The following CLSTN2 variants were observed in gnomAD, a reference collection of about 807,000 sequenced individuals.
CLSTN2 encodes calsyntenin 2.
In CLSTN2, 48 loss-of-function variants were observed where a neutral mutation model predicts 101.2. The observed-to-expected ratio is 0.47, with a 90% CI of 0.38 to 0.60. The LOEUF (loss-of-function observed/expected upper bound fraction) is 0.60. Ranked by LOEUF, CLSTN2 falls within the 20% of genes least tolerant of loss-of-function variation. The pLI is 0.00. For synonymous variants in CLSTN2, 481 were observed against 463.6 expected (o/e 1.04, Z -0.48); for missense variants, 1,160 against 1,238.2 (o/e 0.94, Z 0.95).
At chr3:139,969,611 CCT>C in intron 1 of CLSTN2, among the ~76,000 whole-genome samples, 1 of 152,322 alleles carries the variant, frequency 6.6e-6, no homozygotes, top group African/African-American at 2.4e-5. Context: ...CCACATTCTC[CCT>C]GTTAGTCTGC....
At chr3:140,092,952 G>A (rs1341574689) in intron 1 of CLSTN2, among the ~76,000 whole-genome samples, 1 of 152,210 alleles carries the variant, frequency 6.6e-6, no homozygotes, top group East Asian at 1.9e-4. Flanking sequence ...GTGAGTGGAT[G>A]GAGGGTGCTG....
At chr3:140,032,488 C>T (rs558737731) in intron 1 of CLSTN2, among the ~76,000 whole-genome samples, 1 of 152,250 alleles carries the variant, frequency 6.6e-6, no homozygotes, top group African/African-American at 2.4e-5. Flanking sequence ...AGGTGCCAGC[C>T]ACCACATCTG....
chr3:140,474,535 A>G (rs1933934770), intron 8 of CLSTN2, among the ~76,000 whole-genome samples: 1 of 152,120 alleles, frequency 6.6e-6, no homozygotes, highest in Non-Finnish European at 1.5e-5. Context: ...TGGAAAAGAA[A>G]CCTTTTGTCT....
intron 1 of CLSTN2, among the ~76,000 whole-genome samples, chr3:139,952,279 A>T (rs1935308206): frequency 6.6e-6 from 1 of 152,202 alleles, no homozygotes; most frequent in Non-Finnish European, 1.5e-5. Flanking sequence ...ATGCGTCACC[A>T]TATTTTCGAT....
At chr3:140,038,653 C>A (rs2007705939) in intron 1 of CLSTN2, among the ~76,000 whole-genome samples, 1 of 152,060 alleles carries the variant, frequency 6.6e-6, no homozygotes, top group African/African-American at 2.4e-5. Flanking sequence ...CCCACAATGT[C>A]ATTATCGCTC....
intron 8 of CLSTN2, among the ~76,000 whole-genome samples, chr3:140,519,446 C>T (rs919097784): frequency 6.4e-4 from 98 of 152,246 alleles, no homozygotes; most frequent in African/African-American, 2.3e-3. Flanking sequence ...TAAAATCTCT[C>T]GCTATTATTG....
At chr3:140,405,257 C>T (rs990728643) in intron 4 of CLSTN2, among the ~76,000 whole-genome samples, 10 of 150,146 alleles carry the variant, frequency 6.7e-5, no homozygotes, top group South Asian at 2.1e-4. Context: ...GATGGAGTTT[C>T]GCTCTTGTCG....
intron 1 of CLSTN2, among the ~76,000 whole-genome samples, chr3:140,108,027 T>C (rs941316339): frequency 1.3e-5 from 2 of 152,168 alleles, no homozygotes; most frequent in Non-Finnish European, 2.9e-5. Context: ...GAGTGGTTGA[T>C]AAGGGACACC....
chr3:140,132,544 G>A (rs2009539046), intron 1 of CLSTN2, among the ~76,000 whole-genome samples: 1 of 152,220 alleles, frequency 6.6e-6, no homozygotes, highest in South Asian at 2.1e-4. Flanking sequence ...TTCCAGAAAT[G>A]AGGAGTTGTT....
intron 1 of CLSTN2, among the ~76,000 whole-genome samples, chr3:140,124,723 T>C (rs1160247735): frequency 6.6e-6 from 1 of 152,174 alleles, no homozygotes; most frequent in African/African-American, 2.4e-5. Context: ...GATGTCAGTT[T>C]GGCAGTTAAA....
intron 8 of CLSTN2, among the ~76,000 whole-genome samples, chr3:140,485,625 CTTTGTTTACCTACT>C (rs1460576531): frequency 9.2e-5 from 14 of 152,142 alleles, no homozygotes; most frequent in African/African-American, 3.4e-4. Context: ...TTCCCGGCTG[CTTTGTTTACCTACT>C]CAAGCCTCGG....
At chr3:140,279,976 C>T (rs1403658248) in intron 2 of CLSTN2, among the ~76,000 whole-genome samples, 2 of 152,188 alleles carry the variant, frequency 1.3e-5, no homozygotes, top group Non-Finnish European at 2.9e-5. Flanking sequence ...TCGCTCCACT[C>T]TCTTGTCAGT....
At chr3:140,481,089 T>G (rs1180987379) in intron 8 of CLSTN2, among the ~76,000 whole-genome samples, 1 of 152,208 alleles carries the variant, frequency 6.6e-6, no homozygotes, top group Non-Finnish European at 1.5e-5. Context: ...GGTCTAACAT[T>G]TAAGTCTTCA....
chr3:140,555,655 A>T (rs1005766038), intron 10 of CLSTN2, among the ~76,000 whole-genome samples: 1 of 152,206 alleles, frequency 6.6e-6, no homozygotes, highest in Non-Finnish European at 1.5e-5. Flanking sequence ...ATTCACAGAT[A>T]TGTTTCTGAT....
At chr3:140,533,710 C>CAAAA (rs71627883) in intron 9 of CLSTN2, among the ~76,000 whole-genome samples, 22 of 58,848 alleles carry the variant, frequency 3.7e-4, no homozygotes, top group African/African-American at 9.4e-4. Flanking sequence ...GACTCCATCT[C>CAAAA]AAAAAAAAAA....
intron 9 of CLSTN2, among the ~76,000 whole-genome samples, chr3:140,544,541 G>A (rs549849587): frequency 3.4e-4 from 52 of 152,180 alleles, no homozygotes; most frequent in Non-Finnish European, 6.8e-4. Context: ...CCAGCACCAG[G>A]AATCAGTTTG....
chr3:140,049,544 G>T (rs1206036245), intron 1 of CLSTN2, among the ~76,000 whole-genome samples: 5 of 152,116 alleles, frequency 3.3e-5, no homozygotes, highest in Non-Finnish European at 7.4e-5. Flanking sequence ...TCCAGTACTG[G>T]GGCTGACACA....
rs1044943439 is a variant in CLSTN2 at position 140,268,089 on chromosome 3, C to T, written c.232+92016C>T. Among the ~76,000 whole-genome samples the T allele has an allele frequency of 5.9e-5, 9 of 152,176 alleles. No homozygotes were observed. In the South Asian group the frequency reaches 6.2e-4, roughly 11 times the overall value. Reference sequence around the variant, plus strand: ...TAGTGCCAAGCTCTGAGCTTGGAGGCGAAAAGAGCTATCGGGGTGAACCGC... The same window carrying T: ...TAGTGCCAAGCTCTGAGCTTGGAGGTGAAAAGAGCTATCGGGGTGAACCGC... On this transcript the variant is annotated intron_variant, in intron 2 of 16. Coordinates refer to ENST00000458420, the MANE Select transcript of CLSTN2 (RefSeq NM_022131.3).
intron 2 of CLSTN2, among the ~76,000 whole-genome samples, chr3:140,383,727 A>G (rs1240981178): frequency 1.3e-5 from 2 of 152,212 alleles, no homozygotes; most frequent in African/African-American, 2.4e-5. Flanking sequence ...GCAGCTTGAA[A>G]AGTGAAATGC....
Sources: allele counts gnomAD v4.1 joint callset (sites outside exome capture counted in the v4.1 genomes callset), GRCh38; gene constraint gnomAD v4.1.1; transcripts MANE v1.5; gene names NCBI Gene and HGNC (gene_info 2026-07-23, HGNC 2026-07-21).